Variants in PMS2 observed in about 807,000 individuals in gnomAD.
PMS2 encodes the protein mismatch repair endonuclease PMS2.
In PMS2, 69 loss-of-function variants were observed where a neutral mutation model predicts 90.0. The ratio of observed to expected loss-of-function variants is 0.77; its 90% CI spans 0.63 to 0.94. The LOEUF is 0.94. PMS2 is among the 40% of genes least tolerant of loss of function. The pLI is 0.00. For missense variants in PMS2, 966 were observed against 1,040.2 expected, an observed-to-expected ratio of 0.93 and a Z score of 0.98; for synonymous variants, 332 against 375.1, an observed-to-expected ratio of 0.89 and a Z score of 1.33.
At position 5,978,074 on chromosome 7, in the gene PMS2, CG is replaced by C. The variant is rs1362679740; in HGVS notation, c.2276-318del. Among the ~76,000 whole-genome samples the C allele has an allele frequency of 1.6e-3, 238 of 149,544 alleles. 9 individuals are homozygous for C. The highest frequency in any genetic ancestry group is 2.4e-3 in the Non-Finnish European group (159 of 67,144). On this transcript the variant is annotated intron_variant, in intron 13 of 14. Coordinates refer to ENST00000265849, the MANE Select transcript of PMS2 (RefSeq NM_000535.7). ...GGCGGAGCTTGCAGTGAGCCGAGATCGGCACCACTGCGCTCCAGCCTGGGCG... is the reference window on the plus strand; with the variant it reads ...GGCGGAGCTTGCAGTGAGCCGAGATCGCACCACTGCGCTCCAGCCTGGGCG...
rs2128788984 is a variant in PMS2 at position 5,997,429 on chromosome 7, A to T, written c.706-6T>A. The T allele has an allele frequency of 8.4e-7, 1 of 1,186,936 alleles. No homozygotes were observed. 73.5% of individuals were successfully genotyped at this position (1,186,936 alleles called of 1,614,324 possible). A position where few individuals can be genotyped will look rare whatever the true frequency, so the allele number is the denominator to read the frequency against. On this transcript the variant is annotated splice_region_variant and splice_polypyrimidine_tract_variant and intron_variant, in intron 6 of 14. Coordinates refer to ENST00000265849, the MANE Select transcript of PMS2 (RefSeq NM_000535.7). ...AAAGGAATGAGGCTTTGCAACTGAA[A>T]AAAAAAAAAAAAAATTCACAGTTAC...
In PMS2 at chr7:5,997,344, G is replaced by A; in HGVS notation, c.785C>T (p.Ala262Val). 1 of 1,562,294 alleles carries A rather than the reference G, an allele frequency of 6.4e-7. No individual in the cohort carries two copies. Among genetic ancestry groups the A allele is most frequent in the Non-Finnish European group, 8.8e-7 (1 of 1,133,910 alleles). ...CEEYGLSCSD[A>V]LHNLFYISGF... ...TACTTACTAAAAAAGATTATGCAGA[G>A]CATCGGAACAGCTCAAACCGTACTC... Residue 262 changes from alanine to valine, a missense_variant, in exon 7 of 15, where the codon GCT becomes GTT. Around this residue, in one of 2 missense-constraint regions of PMS2, gnomAD observed 871 missense variants for 802.4 expected, o/e 1.09. Transcript: ENST00000265849.
rs1160837016 is a variant in PMS2 at position 5,972,993 on chromosome 7, G to A, written c.*406C>T. On this transcript the variant is annotated 3_prime_UTR_variant, in exon 15 of 15. Coordinates refer to ENST00000265849, the MANE Select transcript of PMS2 (RefSeq NM_000535.7). ...TGGGTAGCGGGGATTACAGGCATGC[G>A]CCAGCACACCTGGCTAATTTTGTAT... Among the ~76,000 whole-genome samples the A allele has an allele frequency of 7.9e-3, 922 of 116,928 alleles. 30 individuals are homozygous for A. Among genetic ancestry groups the A allele is most frequent in the African/African-American group, 0.03 (884 of 29,500 alleles). The allele number at this position is 116,928 out of a possible 152,430, so 76.7% of individuals were successfully genotyped here. A position where few individuals can be genotyped will look rare whatever the true frequency, so the allele number is the denominator to read the frequency against.
chr7:5,986,727 A>G (rs759602384), intron 11 of PMS2, 32 bp downstream of exon 11: 1 of 1,489,546 alleles, frequency 6.7e-7, no homozygotes, highest in Non-Finnish European at 9.1e-7. Flanking sequence ...ATTTTAGATA[A>G]AAAGAGAAAA....
At chr7:5,990,489 G>C (rs1326109887) in intron 9 of PMS2, among the ~76,000 whole-genome samples, 1 of 151,828 alleles carries the variant, frequency 6.6e-6, no homozygotes, top group African/African-American at 2.4e-5. Context: ...GGCTTAATTA[G>C]GTAAATTGTT....
chr7:5,997,216 GAA>G (rs879309592), intron 7 of PMS2, 108 bp downstream of exon 7: 835 of 561,800 alleles, frequency 1.5e-3, no homozygotes, highest in Non-Finnish European at 1.7e-3. Flanking sequence ...TCCGTCTCAA[GAA>G]AAAAAAAAAA....
At chr7:6,004,323 C>CA in intron 2 of PMS2, 19 of 319,018 alleles carry the variant, frequency 6.0e-5, no homozygotes, top group East Asian at 1.3e-4. Flanking sequence ...GGAGAAGGAA[C>CA]AAAAAAAATC....
chr7:5,986,699 TA>T, intron 11 of PMS2, 59 bp downstream of exon 11: 1 of 1,329,746 alleles, frequency 7.5e-7, no homozygotes, highest in Non-Finnish European at 1.0e-6. Flanking sequence ...CTCAAAAAAA[TA>T]AAAAATAAAA....
At chr7:5,998,077 G>GTT (rs1181173881) in intron 6 of PMS2, among the ~76,000 whole-genome samples, 26 of 130,866 alleles carry the variant, frequency 2.0e-4, no homozygotes, top group African/African-American at 5.2e-4. Context: ...TAGGTACTTT[G>GTT]TTTTTTTTTT....
intron 13 of PMS2, 122 bp downstream of exon 13, chr7:5,978,474 T>A (rs1262885613): frequency 8.8e-7 from 1 of 1,140,262 alleles, no homozygotes; most frequent in East Asian, 2.8e-5. Context: ...TTTCACCATG[T>A]TAGCCAGGCT....
chr7:6,002,932 C>G (rs10263455), intron 4 of PMS2, among the ~76,000 whole-genome samples: 4,030 of 152,248 alleles, frequency 0.026, 199 homozygotes, highest in African/African-American at 0.093. Context: ...TTCACAAACA[C>G]AGATTTGTTT....
rs370701800 is a variant in PMS2, at chr7:5,987,520, C to T, written c.1245G>A (p.Val415=). Residue 415 remains valine, a synonymous_variant, in exon 11 of 15, where the codon GTG becomes GTA. Transcript: ENST00000265849. ...AGGCCTCTCGCAGTCTGGAAATGGACACGTCTTTTTTTTCTTCTCCAGTCC... is the reference window on the plus strand; with the variant it reads ...AGGCCTCTCGCAGTCTGGAAATGGATACGTCTTTTTTTTCTTCTCCAGTCC... ...SLRTGEEKKD[V]SISRLREAFS... 3.1e-6 allele frequency: 5 copies of T among 1,614,180 alleles called. No individual in the cohort carries two copies. Among genetic ancestry groups the T allele is most frequent in the Non-Finnish European group, 4.2e-6 (5 of 1,180,038 alleles).
intron 10 of PMS2, among the ~76,000 whole-genome samples, chr7:5,988,309 T>C (rs1783303188): frequency 6.6e-6 from 1 of 152,114 alleles, no homozygotes; most frequent in Non-Finnish European, 1.5e-5. Flanking sequence ...GCCGGCACAG[T>C]GGCTCACGCC....
At chr7:6,005,349 C>T (rs1238562541) in intron 2 of PMS2, among the ~76,000 whole-genome samples, 1 of 152,178 alleles carries the variant, frequency 6.6e-6, no homozygotes, top group African/African-American at 2.4e-5. Context: ...GGATTACAGG[C>T]TTCTGCCACC....
At chr7:5,977,155 C>T (rs1159607318) in intron 14 of PMS2, among the ~76,000 whole-genome samples, 3 of 151,444 alleles carry the variant, frequency 2.0e-5, no homozygotes, top group East Asian at 2.0e-4. Flanking sequence ...TCTGGGTTCA[C>T]GCCATTCTCC....
chr7:6,003,970 A>C lies in PMS2; in HGVS notation c.250+2T>G, dbSNP rs766865355. ...TAATAGGATTAGAAAAAGTCAACTTACTTAAGCCTTCGAAGTTTTCTTCTT... is the reference window on the plus strand; with the variant it reads ...TAATAGGATTAGAAAAAGTCAACTTCCTTAAGCCTTCGAAGTTTTCTTCTT... On this transcript the variant is annotated splice_donor_variant, in intron 3 of 14. Transcript: ENST00000265849. LOFTEE classifies it high-confidence loss of function. The C allele has an allele frequency of 6.3e-7, 1 of 1,576,374 alleles. No homozygotes were observed. Among genetic ancestry groups the C allele is most frequent in the Non-Finnish European group, 8.7e-7 (1 of 1,147,508 alleles).
intron 8 of PMS2, among the ~76,000 whole-genome samples, chr7:5,993,004 C>T (rs1783935097): frequency 6.6e-6 from 1 of 152,046 alleles, no homozygotes; most frequent in African/African-American, 2.4e-5. Context: ...ATTATGAATC[C>T]ATCACACTAT....
chr7:6,003,595 G>T, intron 4 of PMS2, 95 bp downstream of exon 4: 1 of 733,380 alleles, frequency 1.4e-6, no homozygotes, highest in Non-Finnish European at 2.4e-6. Context: ...AAGTTGAGAT[G>T]TTGAGATAGA....
At chr7:5,990,686 T>G (rs1388681611) in intron 9 of PMS2, among the ~76,000 whole-genome samples, 2 of 152,176 alleles carry the variant, frequency 1.3e-5, no homozygotes, top group Non-Finnish European at 2.9e-5. Context: ...ACTGACCCAG[T>G]AATTCTACTC....
Sources: gnomAD v4.1 joint callset for allele counts (sites outside exome capture counted in the v4.1 genomes callset) on GRCh38, gnomAD v4.1.1 for gene constraint, gnomAD v4.1.1 regional missense constraint, MANE v1.5 for transcripts, NCBI Gene and HGNC (gene_info 2026-07-23, HGNC 2026-07-21) for gene names.